SOX6: variants seen among roughly 807,000 people sequenced by gnomAD.
The protein encoded by SOX6 is SRY-box transcription factor 6, also known as transcription factor SOX-6.
Under a neutral mutation model 97.8 loss-of-function variants are expected in SOX6, and 11 were observed. The observed-to-expected ratio is 0.11, with a 90% confidence interval of 0.07 to 0.19. SOX6 has a LOEUF of 0.19. SOX6 is among the 10% of genes least tolerant of loss of function. SOX6 has a pLI of 1.00. For missense variants in SOX6, 810 were observed against 1,039.5 expected (o/e 0.78, Z 3.04); for synonymous variants, 360 against 371.4 (o/e 0.97, Z 0.35).
chr11:16,064,195 A>G (rs750871919), intron 9 of SOX6, among the ~76,000 whole-genome samples: 7 of 151,770 alleles, frequency 4.6e-5, no homozygotes, highest in Non-Finnish European at 8.9e-5. Flanking sequence ...CCCCACATTA[A>G]TAGACTGATA....
chr11:16,049,681 A>T, intron 11 of SOX6, 74 bp downstream of exon 11: 1 of 1,535,836 alleles, frequency 6.5e-7, no homozygotes, highest in Non-Finnish European at 8.9e-7. Flanking sequence ...AACAAGTATC[A>T]GTCGTAACTA....
chr11:16,354,964 A>T (rs557672238), intron 1 of SOX6, among the ~76,000 whole-genome samples: 2 of 152,162 alleles, frequency 1.3e-5, no homozygotes, highest in Non-Finnish European at 2.9e-5. Context: ...ACCCCAGCAC[A>T]TTCTCATGAG....
intron 4 of SOX6, among the ~76,000 whole-genome samples, chr11:16,518,643 T>C (rs574395866): frequency 3.7e-4 from 57 of 152,194 alleles, no homozygotes; most frequent in African/African-American, 1.4e-3. Context: ...ACAAACTTTA[T>C]CCAGAAAAAT....
chr11:16,192,276 T>G (rs1851652633), intron 4 of SOX6, among the ~76,000 whole-genome samples: 4 of 152,246 alleles, frequency 2.6e-5, no homozygotes, highest in Admixed American at 2.0e-4. Flanking sequence ...CTACTGATTT[T>G]ATTAACCTTT....
At chr11:16,100,070 A>C (rs1848906385) in intron 7 of SOX6, among the ~76,000 whole-genome samples, 2 of 151,680 alleles carry the variant, frequency 1.3e-5, no homozygotes, top group Admixed American at 6.6e-5. Context: ...AGAAAAATTT[A>C]AGAGGGAGAG....
intron 4 of SOX6, among the ~76,000 whole-genome samples, chr11:16,497,014 T>C (rs1860610970): frequency 6.6e-6 from 1 of 152,198 alleles, no homozygotes. Context: ...ACGGACAGAC[T>C]GCCTCCTAAA....
At chr11:16,116,881 A>C (rs1177410099) in intron 6 of SOX6, among the ~76,000 whole-genome samples, 1 of 152,160 alleles carries the variant, frequency 6.6e-6, no homozygotes, top group Non-Finnish European at 1.5e-5. Flanking sequence ...GGACCTAGCC[A>C]TGCTCCTTAT....
At chr11:16,329,227 GA>G (rs1856203267) in intron 2 of SOX6, among the ~76,000 whole-genome samples, 1 of 151,360 alleles carries the variant, frequency 6.6e-6, no homozygotes, top group African/African-American at 2.4e-5. Flanking sequence ...TCAATTCCCA[GA>G]AAAAAAATAA....
chr11:16,605,179 GCGGGGCCC>G lies in SOX6; in HGVS notation n.609+6894_609+6901del, dbSNP rs1002517092. Among the ~76,000 whole-genome samples, 14 of 152,074 alleles carry G rather than the reference GCGGGGCCC, an allele frequency of 9.2e-5. No homozygotes were observed. The highest frequency in any genetic ancestry group is 1.5e-4 in the Non-Finnish European group (10 of 67,934). Reference sequence around the variant, plus strand: ...CCCGGCTGCAGAGGAACGGCGGGTGGCGGGGCCCCGGCAGGGCGCCGAGAAGGACGGAG... The same window carrying G: ...CCCGGCTGCAGAGGAACGGCGGGTGGCGGCAGGGCGCCGAGAAGGACGGAG... On this transcript the variant is annotated intron_variant and non_coding_transcript_variant, in intron 4 of 5. Coordinates refer to the SOX6 transcript ENST00000524520. The surrounding 1 kb of genome is among the most constrained non-coding windows in gnomAD (Gnocchi z 5.3).
At chr11:16,331,379 G>A in intron 2 of SOX6, among the ~76,000 whole-genome samples, 1 of 152,052 alleles carries the variant, frequency 6.6e-6, no homozygotes, top group Admixed American at 6.5e-5. Context: ...GGCCCAGTTT[G>A]CCTAAAGAAG....
intron 6 of SOX6, among the ~76,000 whole-genome samples, chr11:16,158,007 T>C (rs561936499): frequency 1.1e-3 from 162 of 152,158 alleles, no homozygotes; most frequent in African/African-American, 3.8e-3. Flanking sequence ...CACATTATAT[T>C]GTTGCCATTT....
At chr11:16,018,108 C>A (rs1011891975) in intron 12 of SOX6, among the ~76,000 whole-genome samples, 3 of 152,030 alleles carry the variant, frequency 2.0e-5, no homozygotes, top group Non-Finnish European at 4.4e-5. Context: ...GTAGATGTTG[C>A]ATATTAAATA....
intron 3 of SOX6, among the ~76,000 whole-genome samples, chr11:16,654,217 A>G (rs994066285): frequency 6.6e-6 from 1 of 152,204 alleles, no homozygotes; most frequent in East Asian, 1.9e-4. Flanking sequence ...CTGAAGTGCA[A>G]TGGAGTCATC....
At chr11:16,658,825 T>C (rs773184118) in intron 3 of SOX6, among the ~76,000 whole-genome samples, 27 of 152,352 alleles carry the variant, frequency 1.8e-4, no homozygotes, top group African/African-American at 6.0e-4. Flanking sequence ...CTATTTCTAA[T>C]TGGAAAAATG....
At chr11:16,253,402 C>T (rs1005408914) in intron 3 of SOX6, among the ~76,000 whole-genome samples, 2 of 151,628 alleles carry the variant, frequency 1.3e-5, no homozygotes, top group Non-Finnish European at 2.9e-5. Context: ...TGTAGCAGTC[C>T]TATGAGGAAT....
intron 3 of SOX6, among the ~76,000 whole-genome samples, chr11:16,645,767 G>A (rs1849004077): frequency 6.6e-6 from 1 of 152,178 alleles, no homozygotes; most frequent in Non-Finnish European, 1.5e-5. Context: ...CCAGGTTTCA[G>A]GTGGAGACTG....
intron 13 of SOX6, among the ~76,000 whole-genome samples, chr11:16,004,242 A>T (rs1854487879): frequency 6.6e-6 from 1 of 152,026 alleles, no homozygotes; most frequent in South Asian, 2.1e-4. Context: ...TAGAGAGATT[A>T]AATTGTCCAA....
chr11:16,441,788 C>A (rs188658689), intron 1 of SOX6, among the ~76,000 whole-genome samples: 64 of 152,244 alleles, frequency 4.2e-4, no homozygotes, highest in African/African-American at 1.3e-3. Context: ...CACATAGTCC[C>A]CTACAAATTC....
intron 7 of SOX6, among the ~76,000 whole-genome samples, chr11:16,104,685 T>A (rs750631570): frequency 4.6e-5 from 7 of 151,562 alleles, no homozygotes; most frequent in Non-Finnish European, 1.0e-4. Flanking sequence ...GGGGGTTATC[T>A]TGGAAAACAA....
Sources: gnomAD v4.1 joint callset for allele counts (sites outside exome capture counted in the v4.1 genomes callset) on GRCh38, gnomAD v4.1.1 for gene constraint, Gnocchi (gnomAD v3.1) non-coding constraint, MANE v1.5 for transcripts, NCBI Gene and HGNC (gene_info 2026-07-23, HGNC 2026-07-21) for gene names.